The following GRID2 variants were observed in gnomAD, a reference collection of about 807,000 sequenced individuals.
GRID2 encodes glutamate receptor ionotropic, delta-2.
In GRID2, 33 loss-of-function variants were observed where a neutral mutation model predicts 114.8. That is an observed-to-expected ratio of 0.29 (90% CI 0.22 to 0.38). The LOEUF is 0.38. GRID2 is among the 10% of genes least tolerant of loss of function. The probability of loss-of-function intolerance (pLI) is 1.00; values close to 1 mark genes in which losing one functional copy is unlikely to be tolerated. For synonymous variants in GRID2, 505 were observed against 449.9 expected, an observed-to-expected ratio of 1.12 and a Z score of -1.55; for missense variants, 1,184 against 1,257.7, an observed-to-expected ratio of 0.94 and a Z score of 0.89.
At chr4:93,430,098 A>G (rs572981422) in intron 10 of GRID2, among the ~76,000 whole-genome samples, 4 of 152,284 alleles carry the variant, frequency 2.6e-5, no homozygotes, top group Non-Finnish European at 5.9e-5. Flanking sequence ...ATGAATTCCT[A>G]TGATGGGTAT....
chr4:93,089,941 T>C (rs1730635556), intron 3 of GRID2, among the ~76,000 whole-genome samples: 1 of 152,128 alleles, frequency 6.6e-6, no homozygotes, highest in Non-Finnish European at 1.5e-5. Context: ...TGTAATGGGC[T>C]TGTATGGCAG....
At chr4:92,929,100 C>T (rs1214243655) in intron 2 of GRID2, among the ~76,000 whole-genome samples, 2 of 151,054 alleles carry the variant, frequency 1.3e-5, no homozygotes, top group African/African-American at 2.4e-5. Flanking sequence ...TTTCTTTTTG[C>T]CTATTAGAAA....
chr4:93,794,452 G>A (rs547840040), intron 1 of GRID2, among the ~76,000 whole-genome samples: 78 of 152,266 alleles, frequency 5.1e-4, no homozygotes, highest in African/African-American at 1.8e-3. Flanking sequence ...CCACCAGAAC[G>A]ACTTAGGGAA....
chr4:92,383,285 G>T (rs1434249077), intron 1 of GRID2, among the ~76,000 whole-genome samples: 1 of 151,860 alleles, frequency 6.6e-6, no homozygotes, highest in Non-Finnish European at 1.5e-5. Flanking sequence ...TGTTAGGGAG[G>T]ACTACAGCAA....
intron 2 of GRID2, among the ~76,000 whole-genome samples, chr4:92,686,771 T>G (rs144285355): frequency 6.6e-6 from 1 of 152,190 alleles, no homozygotes; most frequent in East Asian, 1.9e-4. Context: ...ATGTTATTTC[T>G]AAGGGATACT....
intron 4 of GRID2, among the ~76,000 whole-genome samples, chr4:93,199,224 T>C (rs77640540): frequency 0.033 from 4,985 of 152,114 alleles, 228 homozygotes; most frequent in African/African-American, 0.11. Flanking sequence ...TCACAGAGAA[T>C]TAAAGACAGT....
intron 2 of GRID2, among the ~76,000 whole-genome samples, chr4:92,935,194 A>AC: frequency 6.8e-6 from 1 of 146,234 alleles, no homozygotes. Flanking sequence ...ATTTACAAGA[A>AC]AAAAACAACC....
chr4:93,236,756 A>G (rs189478694), intron 7 of GRID2, among the ~76,000 whole-genome samples: 2 of 152,142 alleles, frequency 1.3e-5, no homozygotes, highest in Non-Finnish European at 1.5e-5. Context: ...CTAATCAATG[A>G]AATGTAACTG....
intron 4 of GRID2, among the ~76,000 whole-genome samples, chr4:93,121,715 C>T (rs1733797345): frequency 6.6e-6 from 1 of 152,136 alleles, no homozygotes; most frequent in Admixed American, 6.5e-5. Context: ...CTAGCTGATG[C>T]TGCCAGTTTC....
At chr4:93,260,434 ATATT>A (rs1317911364) in intron 8 of GRID2, among the ~76,000 whole-genome samples, 4 of 151,088 alleles carry the variant, frequency 2.6e-5, no homozygotes, top group Admixed American at 6.6e-5. Flanking sequence ...TAAATATTAT[ATATT>A]TATTTATTTA....
intron 13 of GRID2, among the ~76,000 whole-genome samples, chr4:93,569,231 A>G (rs1024473393): frequency 3.3e-5 from 5 of 152,018 alleles, no homozygotes. Context: ...TTGCCCTTCT[A>G]TTTCCCTGCC....
intron 1 of GRID2, among the ~76,000 whole-genome samples, chr4:92,345,403 G>T (rs941588268): frequency 1.3e-5 from 2 of 152,164 alleles, no homozygotes; most frequent in African/African-American, 4.8e-5. Flanking sequence ...ATTGCAAATT[G>T]TGCTGCTATA....
intron 13 of GRID2, among the ~76,000 whole-genome samples, chr4:93,549,431 C>T (rs2149540093): frequency 6.6e-6 from 1 of 152,306 alleles, no homozygotes. Flanking sequence ...ACTACTAAAA[C>T]ACATTTTCAA....
At chr4:93,797,783 A>G (rs1308218394) in intron 1 of GRID2, among the ~76,000 whole-genome samples, 1 of 150,840 alleles carries the variant, frequency 6.6e-6, no homozygotes, top group Non-Finnish European at 1.5e-5. Flanking sequence ...AGGCAGACAT[A>G]CCAGAGACTT....
intron 2 of GRID2, among the ~76,000 whole-genome samples, chr4:92,616,100 A>G (rs1281870655): frequency 6.6e-6 from 1 of 151,642 alleles, no homozygotes; most frequent in African/African-American, 2.4e-5. Flanking sequence ...GTGGATTCAA[A>G]TTAGTGTCTG....
At chr4:92,920,740 T>A (rs1472717315) in intron 2 of GRID2, among the ~76,000 whole-genome samples, 1 of 152,206 alleles carries the variant, frequency 6.6e-6, no homozygotes, top group Non-Finnish European at 1.5e-5. Context: ...TGGACTTCCC[T>A]TTGTGGGTAA....
At position 93,104,309 on chromosome 4, in the gene GRID2, AT is replaced by A. The variant is rs572625047; in HGVS notation, c.530-6435del. 1.4e-4 allele frequency among the ~76,000 whole-genome samples: 21 copies of A among 152,178 alleles called. No homozygotes were observed. In the South Asian group the frequency reaches 3.5e-3, roughly 26 times the overall value. On this transcript the variant is annotated intron_variant, in intron 3 of 15. Coordinates refer to ENST00000282020, the MANE Select transcript of GRID2 (RefSeq NM_001510.4). Reference sequence around the variant, plus strand: ...ACACAAGTTATTAATAGTATTTTTTATTTTATTATGATTATACTTTAAGTTT... The same window carrying A: ...ACACAAGTTATTAATAGTATTTTTTATTTATTATGATTATACTTTAAGTTT...
At chr4:92,982,230 A>G (rs941301889) in intron 2 of GRID2, among the ~76,000 whole-genome samples, 7 of 151,958 alleles carry the variant, frequency 4.6e-5, no homozygotes, top group African/African-American at 1.4e-4. Context: ...TCAAATTCAG[A>G]GTTGTCTACA....
chr4:93,615,283 C>A (rs1411992112), intron 13 of GRID2, among the ~76,000 whole-genome samples: 1 of 152,114 alleles, frequency 6.6e-6, no homozygotes, highest in South Asian at 2.1e-4. Context: ...ATCATATAAG[C>A]TAAATATATC....
Sources: allele counts gnomAD v4.1 joint callset (sites outside exome capture counted in the v4.1 genomes callset), GRCh38; gene constraint gnomAD v4.1.1; transcripts MANE v1.5; gene names NCBI Gene and HGNC (gene_info 2026-07-23, HGNC 2026-07-21).